The following C9 variants were observed in gnomAD, a reference collection of about 807,000 sequenced individuals.
The protein encoded by C9 is complement C9, also known as complement component C9.
A neutral mutation model predicts 65.4 loss-of-function variants in C9; 63 were observed. The observed-to-expected ratio is 0.96, with a 90% CI of 0.79 to 1.19. The LOEUF (loss-of-function observed/expected upper bound fraction) is 1.19, where lower values mean the gene tolerates loss of function less well. Ranked by LOEUF, C9 falls within the 50% of genes most tolerant of loss-of-function variation. C9 has a pLI of 0.00. For missense variants in C9, 744 were observed against 670.1 expected, an observed-to-expected ratio of 1.11 and a Z score of -1.22; for synonymous variants, 229 against 227.9, an observed-to-expected ratio of 1.00 and a Z score of -0.04.
intron 1 of C9, among the ~76,000 whole-genome samples, chr5:39,357,423 CAT>C (rs1263956240): frequency 1.3e-5 from 2 of 152,212 alleles, no homozygotes; most frequent in African/African-American, 2.4e-5. Context: ...GAGCTTCTCT[CAT>C]GTGCTTTAAA....
intron 6 of C9, 77 bp from the exon 7 acceptor site, chr5:39,311,454 A>G (rs1579850480): frequency 1.4e-6 from 2 of 1,408,116 alleles, no homozygotes; most frequent in East Asian, 2.3e-5. Context: ...GAAATTTAGA[A>G]CTTCCATAGG....
intron 1 of C9, among the ~76,000 whole-genome samples, chr5:39,342,958 C>A (rs1473998219): frequency 6.6e-6 from 1 of 152,108 alleles, no homozygotes; most frequent in Non-Finnish European, 1.5e-5. Flanking sequence ...CACATCAGAA[C>A]CAGAAACCAC....
chr5:39,342,312 C>T, intron 1 of C9, 116 bp from the exon 2 acceptor site: 2 of 651,764 alleles, frequency 3.1e-6, no homozygotes, highest in African/African-American at 1.8e-5. Flanking sequence ...TACCACTTAT[C>T]TTTTTACTAT....
intron 1 of C9, among the ~76,000 whole-genome samples, chr5:39,349,021 T>TGGGGG (rs1754267168): frequency 1.7e-4 from 1 of 6,036 alleles, no homozygotes; most frequent in African/African-American, 7.6e-4. Context: ...GGGCATGTTG[T>TGGGGG]GGGGTGGGGG....
At chr5:39,313,380 C>G (rs1369385245) in intron 6 of C9, among the ~76,000 whole-genome samples, 1 of 59,400 alleles carries the variant, frequency 1.7e-5, no homozygotes, top group African/African-American at 3.9e-5. Flanking sequence ...ACTTCTTAGC[C>G]CTCATCTTCT....
chr5:39,297,360 C>G (rs192234835), intron 9 of C9, among the ~76,000 whole-genome samples: 3 of 151,534 alleles, frequency 2.0e-5, no homozygotes, highest in Admixed American at 2.0e-4. Context: ...ATAAAAACAA[C>G]TAGCAAGTAC....
At chr5:39,318,492 G>C (rs888975818) in intron 5 of C9, among the ~76,000 whole-genome samples, 5 of 151,618 alleles carry the variant, frequency 3.3e-5, no homozygotes, top group African/African-American at 1.2e-4. Context: ...TTGGCTGTGG[G>C]TTTTTCATAT....
At chr5:39,357,021 A>G (rs921201378) in intron 1 of C9, among the ~76,000 whole-genome samples, 4 of 152,238 alleles carry the variant, frequency 2.6e-5, no homozygotes, top group African/African-American at 9.6e-5. Context: ...AAAGTGATGT[A>G]CATCAACATG....
intron 10 of C9, among the ~76,000 whole-genome samples, chr5:39,285,523 T>C (rs1752975876): frequency 6.6e-6 from 1 of 152,128 alleles, no homozygotes; most frequent in Non-Finnish European, 1.5e-5. Flanking sequence ...GAAGGTTTCA[T>C]CAAAGATATG....
At chr5:39,297,066 T>C (rs918887762) in intron 9 of C9, among the ~76,000 whole-genome samples, 2 of 151,576 alleles carry the variant, frequency 1.3e-5, no homozygotes, top group African/African-American at 2.4e-5. Flanking sequence ...ATAGGAGGAA[T>C]AAGTTCTAGT....
intron 9 of C9, among the ~76,000 whole-genome samples, chr5:39,300,576 G>A (rs1033887020): frequency 6.6e-6 from 1 of 151,872 alleles, no homozygotes; most frequent in African/African-American, 2.4e-5. Context: ...TACCAACAGA[G>A]ACGTCTGGCA....
rs1177410410 is a variant in C9 at position 39,284,914 on chromosome 5, TG to T, written c.*284del. 7 of 414,306 alleles carry T rather than the reference TG, an allele frequency of 1.7e-5. No individual in the cohort carries two copies. Among genetic ancestry groups the T allele is most frequent in the Non-Finnish European group, 3.0e-5 (7 of 230,910 alleles). The allele number at this position is 414,306 out of a possible 1,614,324, so 25.7% of individuals were successfully genotyped here. ...CAACATTCTGTTTTTAATTTAATTTTGTTTTTTTTTAGAAGAGATTGGCATT... is the reference window on the plus strand; with the variant it reads ...CAACATTCTGTTTTTAATTTAATTTTTTTTTTTTTAGAAGAGATTGGCATT... On this transcript the variant is annotated 3_prime_UTR_variant, in exon 11 of 11. Coordinates refer to ENST00000263408, the MANE Select transcript of C9 (RefSeq NM_001737.5).
At chr5:39,297,895 CT>C (rs1266894446) in intron 9 of C9, among the ~76,000 whole-genome samples, 2 of 151,792 alleles carry the variant, frequency 1.3e-5, no homozygotes, top group East Asian at 3.9e-4. Context: ...AATACATATT[CT>C]TTTCAAGTGC....
intron 1 of C9, among the ~76,000 whole-genome samples, chr5:39,360,481 A>G (rs1754496033): frequency 6.6e-6 from 1 of 152,186 alleles, no homozygotes; most frequent in African/African-American, 2.4e-5. Flanking sequence ...TAAATATGAA[A>G]GTAACTCCAC....
At chr5:39,325,635 G>A (rs1358026629) in intron 5 of C9, among the ~76,000 whole-genome samples, 3 of 152,060 alleles carry the variant, frequency 2.0e-5, no homozygotes, top group Admixed American at 6.5e-5. Context: ...AGCTGAGCAC[G>A]GTGGCGCACG....
chr5:39,315,746 A>G (rs776375864), intron 6 of C9, 29 bp downstream of exon 6: 3 of 1,519,304 alleles, frequency 2.0e-6, no homozygotes, highest in East Asian at 2.3e-5. Flanking sequence ...GAACCTTTCT[A>G]TATTCCTATA....
intron 2 of C9, 50 bp downstream of exon 2, chr5:39,342,041 A>G (rs1754096579): frequency 2.9e-6 from 3 of 1,026,296 alleles, no homozygotes; most frequent in South Asian, 2.5e-5. Flanking sequence ...GAGGCTAGCA[A>G]TACAGTTTCC....
chr5:39,294,415 A>T (rs2111848314), intron 9 of C9, among the ~76,000 whole-genome samples: 1 of 152,036 alleles, frequency 6.6e-6, no homozygotes, highest in South Asian at 2.1e-4. Context: ...ACAAAGGGTC[A>T]TTAGATACTG....
intron 4 of C9, among the ~76,000 whole-genome samples, chr5:39,337,074 A>G (rs990498816): frequency 2.6e-5 from 4 of 152,164 alleles, no homozygotes; most frequent in Non-Finnish European, 4.4e-5. Context: ...TGATTGTTTA[A>G]AAAAGCAAGA....
Sources: allele counts gnomAD v4.1 joint callset (sites outside exome capture counted in the v4.1 genomes callset), GRCh38; gene constraint gnomAD v4.1.1; transcripts MANE v1.5; gene names NCBI Gene and HGNC (gene_info 2026-07-23, HGNC 2026-07-21).